Variants in AUTS2 observed in about 807,000 individuals in gnomAD.
AUTS2 encodes activator of transcription and developmental regulator AUTS2.
In AUTS2, 17 loss-of-function variants were observed where a neutral mutation model predicts 112.4. The ratio of observed to expected loss-of-function variants is 0.15; its 90% CI spans 0.10 to 0.23. The LOEUF (loss-of-function observed/expected upper bound fraction) is 0.23. AUTS2 is among the 10% of genes least tolerant of loss of function. The probability of loss-of-function intolerance (pLI) is 1.00; values close to 1 mark genes in which losing one functional copy is unlikely to be tolerated. For missense variants in AUTS2, 1,510 were observed against 1,701.6 expected, an observed-to-expected ratio of 0.89 and a Z score of 1.98; for synonymous variants, 751 against 702.7, an observed-to-expected ratio of 1.07 and a Z score of -1.09.
At chr7:70,620,200 A>C (rs1412795136) in intron 5 of AUTS2, among the ~76,000 whole-genome samples, 1 of 152,224 alleles carries the variant, frequency 6.6e-6, no homozygotes, top group Non-Finnish European at 1.5e-5. Flanking sequence ...CACCTTCCTG[A>C]AAAACTGCAT....
chr7:70,271,998 G>A (rs1379656673), intron 4 of AUTS2, among the ~76,000 whole-genome samples: 1 of 152,124 alleles, frequency 6.6e-6, no homozygotes, highest in African/African-American at 2.4e-5. Flanking sequence ...CCTTGAACCT[G>A]GAGACTAGGA....
intron 1 of AUTS2, among the ~76,000 whole-genome samples, chr7:69,690,815 A>G (rs764628748): frequency 3.3e-5 from 5 of 152,186 alleles, no homozygotes; most frequent in Admixed American, 2.0e-4. Context: ...CAGTCCCGCA[A>G]TTCAGCGGGT....
chr7:69,797,508 G>C (rs1279271927), intron 1 of AUTS2, among the ~76,000 whole-genome samples: 1 of 152,134 alleles, frequency 6.6e-6, no homozygotes, highest in Non-Finnish European at 1.5e-5. Flanking sequence ...ACATTAAAGA[G>C]AGTTTTAGAT....
chr7:70,151,721 G>A, intron 4 of AUTS2, among the ~76,000 whole-genome samples: 1 of 152,014 alleles, frequency 6.6e-6, no homozygotes, highest in East Asian at 1.9e-4. Flanking sequence ...CAAAGAGCTG[G>A]GATTACAGGT....
At chr7:70,195,748 T>A (rs1810138597) in intron 4 of AUTS2, among the ~76,000 whole-genome samples, 1 of 152,168 alleles carries the variant, frequency 6.6e-6, no homozygotes, top group African/African-American at 2.4e-5. Context: ...TCCAAAGACT[T>A]AAGAGTTTAA....
At chr7:70,100,012 T>C (rs1011030551) in intron 2 of AUTS2, among the ~76,000 whole-genome samples, 4 of 152,002 alleles carry the variant, frequency 2.6e-5, no homozygotes, top group Non-Finnish European at 4.4e-5. Context: ...AAAAAAAAAA[T>C]GACAAATATG....
intron 5 of AUTS2, among the ~76,000 whole-genome samples, chr7:70,653,891 CA>C (rs1371892700): frequency 3.3e-5 from 5 of 152,182 alleles, no homozygotes; most frequent in African/African-American, 9.7e-5. Flanking sequence ...TGGAAGTTTG[CA>C]AACTATGTAC....
At chr7:70,785,534 G>A in intron 16 of AUTS2, 1 of 466,812 alleles carries the variant, frequency 2.1e-6, no homozygotes, top group South Asian at 1.5e-5. Context: ...GGCAGATTCA[G>A]GCATTGGCTT....
intron 4 of AUTS2, among the ~76,000 whole-genome samples, chr7:70,312,870 G>A (rs1057026026): frequency 1.3e-5 from 2 of 152,176 alleles, no homozygotes; most frequent in Admixed American, 1.3e-4. Context: ...AATAGCCACA[G>A]GTAGCTAATG....
Position 70,462,119 on chromosome 7 carries a change from G to A in AUTS2, c.690+26338G>A, listed in dbSNP as rs897060299. Among the ~76,000 whole-genome samples, 8 of 152,138 alleles carry A rather than the reference G, an allele frequency of 5.3e-5. No individual in the cohort carries two copies. In the South Asian group the frequency reaches 1.0e-3, roughly 20 times the overall value. On this transcript the variant is annotated intron_variant, in intron 5 of 18. Transcript: ENST00000342771. ...ATACAAAAATTATCCAGGTGTGGTG[G>A]CATGCGTCTGTAGTCCCAGCTACTC...
chr7:70,444,207 C>T (rs1796226328), intron 5 of AUTS2, among the ~76,000 whole-genome samples: 1 of 152,150 alleles, frequency 6.6e-6, no homozygotes, highest in Non-Finnish European at 1.5e-5. Flanking sequence ...ATGTCTTGAA[C>T]AACATGCTTC....
chr7:70,362,669 TTCTC>T (rs1792326274), intron 4 of AUTS2, among the ~76,000 whole-genome samples: 1 of 151,882 alleles, frequency 6.6e-6, no homozygotes, highest in African/African-American at 2.4e-5. Flanking sequence ...CTCCCTCCCT[TTCTC>T]TCTCCTCTTT....
At chr7:70,374,038 G>C (rs537984309) in intron 4 of AUTS2, among the ~76,000 whole-genome samples, 1 of 152,002 alleles carries the variant, frequency 6.6e-6, no homozygotes, top group Non-Finnish European at 1.5e-5. Context: ...TGCAGTGTTA[G>C]TTTATAATTT....
intron 2 of AUTS2, among the ~76,000 whole-genome samples, chr7:70,113,547 G>T (rs1407792376): frequency 1.3e-5 from 2 of 152,138 alleles, no homozygotes; most frequent in African/African-American, 2.4e-5. Context: ...CCCAAATTTT[G>T]CATAGAGTTC....
chr7:70,164,077 G>A (rs143899277), intron 4 of AUTS2, among the ~76,000 whole-genome samples: 99 of 152,156 alleles, frequency 6.5e-4, no homozygotes, highest in African/African-American at 2.2e-3. Context: ...AGTTTAGGGT[G>A]GATCCTGAAC....
intron 5 of AUTS2, among the ~76,000 whole-genome samples, chr7:70,440,781 G>A (rs759130020): frequency 6.6e-6 from 1 of 152,198 alleles, no homozygotes; most frequent in Non-Finnish European, 1.5e-5. Context: ...GGATCAAATG[G>A]TGATTAAGTG....
chr7:69,664,242 T>C (rs1453773168), intron 1 of AUTS2, among the ~76,000 whole-genome samples: 1 of 152,200 alleles, frequency 6.6e-6, no homozygotes, highest in Non-Finnish European at 1.5e-5. Flanking sequence ...GAGAACTCAT[T>C]TTCAATTTTG....
intron 2 of AUTS2, among the ~76,000 whole-genome samples, chr7:69,936,474 C>T (rs375449974): frequency 3.9e-5 from 6 of 152,170 alleles, no homozygotes; most frequent in Non-Finnish European, 5.9e-5. Flanking sequence ...CTCAGCCTCC[C>T]GAGTAGCTGG....
intron 2 of AUTS2, among the ~76,000 whole-genome samples, chr7:70,064,020 C>T (rs758227974): frequency 1.2e-4 from 19 of 152,142 alleles, no homozygotes; most frequent in Non-Finnish European, 2.5e-4. Context: ...GACTAGAAGG[C>T]GTCATTCTAT....
Sources: gnomAD v4.1 joint callset for allele counts (sites outside exome capture counted in the v4.1 genomes callset) on GRCh38, gnomAD v4.1.1 for gene constraint, MANE v1.5 for transcripts, NCBI Gene and HGNC (gene_info 2026-07-23, HGNC 2026-07-21) for gene names.